Variants in SLC25A21 observed in about 807,000 individuals in gnomAD.
SLC25A21 encodes solute carrier family 25 member 21, also known as mitochondrial 2-oxodicarboxylate carrier.
SLC25A21 carries 47 observed loss-of-function variants against 43.8 expected under a neutral mutation model. The ratio of observed to expected loss-of-function variants is 1.07; its 90% CI spans 0.85 to 1.37. The LOEUF (loss-of-function observed/expected upper bound fraction) is 1.37, where lower values mean the gene tolerates loss of function less well. SLC25A21 is among the 40% of genes most tolerant of loss of function. The pLI, the probability that SLC25A21 is intolerant of heterozygous loss-of-function variation, is 0.00. For missense variants in SLC25A21, 352 were observed against 350.2 expected, an observed-to-expected ratio of 1.00 and a Z score of -0.04; for synonymous variants, 131 against 121.3, an observed-to-expected ratio of 1.08 and a Z score of -0.52.
intron 3 of SLC25A21, among the ~76,000 whole-genome samples, chr14:36,810,650 T>A (rs891087797): frequency 2.0e-5 from 3 of 152,164 alleles, no homozygotes; most frequent in African/African-American, 7.2e-5. Flanking sequence ...AGTTATCATC[T>A]CTGTTTCATT....
chr14:36,837,316 G>C (rs761753165), intron 2 of SLC25A21, among the ~76,000 whole-genome samples: 4 of 152,030 alleles, frequency 2.6e-5, no homozygotes, highest in African/African-American at 7.2e-5. Context: ...AGAAGGGAGT[G>C]GAGCACCAGG....
chr14:36,902,964 AAAAC>A (rs1236032356), intron 1 of SLC25A21, among the ~76,000 whole-genome samples: 3 of 152,262 alleles, frequency 2.0e-5, no homozygotes, highest in Non-Finnish European at 4.4e-5. Flanking sequence ...CAGCTTGGGC[AAAAC>A]AAACAAACAA....
chr14:36,919,395 T>G (rs1042027275), intron 1 of SLC25A21, among the ~76,000 whole-genome samples: 5 of 152,068 alleles, frequency 3.3e-5, no homozygotes, highest in Admixed American at 1.3e-4. Context: ...CTAAGCCATT[T>G]TAACCTTTGT....
At chr14:36,901,315 A>G (rs553224138) in intron 1 of SLC25A21, among the ~76,000 whole-genome samples, 5 of 152,336 alleles carry the variant, frequency 3.3e-5, no homozygotes, top group African/African-American at 1.2e-4. Flanking sequence ...AGTATGAGGT[A>G]AAGACTGATA....
chr14:36,820,698 C>A (rs1281105803), intron 2 of SLC25A21, among the ~76,000 whole-genome samples: 1 of 152,166 alleles, frequency 6.6e-6, no homozygotes, highest in Non-Finnish European at 1.5e-5. Context: ...AGAGAATAGA[C>A]CTTGCCTTTT....
chr14:36,684,791 C>T lies in SLC25A21; in HGVS notation c.738G>A (p.Lys246=), dbSNP rs569175370. 1 of 1,613,238 alleles carries T rather than the reference C, an allele frequency of 6.2e-7. No individual in the cohort carries two copies. Among genetic ancestry groups the T allele is most frequent in the Non-Finnish European group, 8.5e-7 (1 of 1,179,570 alleles). ...QGPQPVPGEI[K]YRTCFKTMAT... The stretch of plus-strand genomic sequence containing the variant: ...CCATTGTTTTAAAACAGGTTCTGTA[C>T]TTGATCTCTCCAGGAACTGGTTGAG... Residue 246 remains lysine (K), a synonymous_variant, in exon 8 of 10, where the codon AAG becomes AAA. Transcript: ENST00000331299.
At chr14:36,872,476 TG>T (rs1377689445) in intron 2 of SLC25A21, among the ~76,000 whole-genome samples, 2 of 152,200 alleles carry the variant, frequency 1.3e-5, no homozygotes, top group African/African-American at 2.4e-5. Context: ...CATGTGAGTC[TG>T]CTCCTGCCTA....
chr14:36,975,049 C>G (rs572105293), intron 1 of SLC25A21, among the ~76,000 whole-genome samples: 3 of 152,152 alleles, frequency 2.0e-5, no homozygotes, highest in African/African-American at 7.2e-5. Context: ...TTAATCCCCA[C>G]AACAATCACA....
chr14:36,701,262 T>C (rs1883266287), intron 7 of SLC25A21, among the ~76,000 whole-genome samples: 1 of 152,240 alleles, frequency 6.6e-6, no homozygotes, highest in South Asian at 2.1e-4. Flanking sequence ...AGGAATCTAT[T>C]ACAGTGTTTG....
rs994940284 is a variant in SLC25A21, at chr14:36,734,667, T to C, written c.204-94A>G. ...GATAATCCTAAAGTATTCCCGATTA[T>C]TCAACATAGCACACCAATCATGAAG... On this transcript the variant is annotated intron_variant, in intron 3 of 9. Transcript: ENST00000331299. 69 of 901,422 alleles carry C rather than the reference T, an allele frequency of 7.7e-5. 2 individuals are homozygous for C. The Middle Eastern group carries it at 1.6e-3, about 21-fold the overall frequency. The allele number at this position is 901,422 out of a possible 1,614,324, so 55.8% of individuals were successfully genotyped here. A position where few individuals can be genotyped will look rare whatever the true frequency, so the allele number is the denominator to read the frequency against.
chr14:36,960,528 G>T (rs1116307), intron 1 of SLC25A21, among the ~76,000 whole-genome samples: 55,672 of 151,722 alleles, frequency 0.37, 10,381 homozygotes, highest in South Asian at 0.48. Flanking sequence ...TCATATAAAT[G>T]TCCTATCTTA....
intron 2 of SLC25A21, among the ~76,000 whole-genome samples, chr14:36,832,123 G>A (rs188710199): frequency 6.6e-6 from 1 of 152,270 alleles, no homozygotes; most frequent in Non-Finnish European, 1.5e-5. Context: ...GAAATGGCCG[G>A]TTTCTCAGGA....
At position 37,043,940 on chromosome 14, in the gene SLC25A21, GT is replaced by G. The variant is rs59081965; in HGVS notation, c.70+128340del. Among the ~76,000 whole-genome samples the G allele has an allele frequency of 7.5e-3, 423 of 56,732 alleles. 2 individuals are homozygous for G. Among genetic ancestry groups the G allele is most frequent in the East Asian group, 0.048 (87 of 1,814 alleles). 37.2% of individuals were successfully genotyped at this position (56,732 alleles called of 152,430 possible). A position where few individuals can be genotyped will look rare whatever the true frequency, so the allele number is the denominator to read the frequency against. On this transcript the variant is annotated intron_variant, in intron 1 of 9. Coordinates refer to ENST00000331299, the MANE Select transcript of SLC25A21 (RefSeq NM_030631.4). The stretch of plus-strand genomic sequence containing the variant: ...TGTTTTGTTTGTTTTATGTTTTTTT[GT>G]TTTTTTTTTTTTTTTTGGTGGAGAC...
intron 3 of SLC25A21, among the ~76,000 whole-genome samples, chr14:36,751,631 A>G (rs1293835121): frequency 6.6e-6 from 1 of 152,172 alleles, no homozygotes; most frequent in Admixed American, 6.5e-5. Flanking sequence ...ACTTTTCATT[A>G]CTGTTTTCAG....
intron 7 of SLC25A21, among the ~76,000 whole-genome samples, chr14:36,710,072 A>C (rs934308107): frequency 6.6e-6 from 1 of 152,116 alleles, no homozygotes; most frequent in African/African-American, 2.4e-5. Flanking sequence ...AAACGTTATT[A>C]TTATGATTAT....
At chr14:37,023,920 C>T (rs964949731) in intron 1 of SLC25A21, among the ~76,000 whole-genome samples, 1 of 151,894 alleles carries the variant, frequency 6.6e-6, no homozygotes, top group Admixed American at 6.6e-5. Context: ...TTTTACTCAC[C>T]TTTGAATTTC....
At chr14:36,743,802 A>C (rs1448569305) in intron 3 of SLC25A21, among the ~76,000 whole-genome samples, 2 of 152,174 alleles carry the variant, frequency 1.3e-5, no homozygotes, top group Non-Finnish European at 2.9e-5. Flanking sequence ...TAGAAACCAC[A>C]AAATACTCCT....
chr14:37,025,604 T>C (rs1249521488), intron 1 of SLC25A21, among the ~76,000 whole-genome samples: 1 of 152,170 alleles, frequency 6.6e-6, no homozygotes, highest in Non-Finnish European at 1.5e-5. Flanking sequence ...TAAACAAACA[T>C]ATATACTACA....
chr14:36,892,789 A>C lies in SLC25A21; in HGVS notation c.71-17785T>G, dbSNP rs540420988. ...GTTCAATTCCCACCTATGAGTGAGA[A>C]CATGCGGTGTTTGGTTTTTTGTCCT... On this transcript the variant is annotated intron_variant, in intron 1 of 9. Transcript: ENST00000331299. 3.2e-3 allele frequency among the ~76,000 whole-genome samples: 482 copies of C among 152,156 alleles called. 4 individuals are homozygous for C. Among genetic ancestry groups the C allele is most frequent in the African/African-American group, 0.011 (452 of 41,514 alleles).
Sources: allele counts gnomAD v4.1 joint callset (sites outside exome capture counted in the v4.1 genomes callset), GRCh38; gene constraint gnomAD v4.1.1; transcripts MANE v1.5; gene names NCBI Gene and HGNC (gene_info 2026-07-23, HGNC 2026-07-21).